Variants in LYPLAL1 observed in about 807,000 individuals in gnomAD.
LYPLAL1 encodes the protein lysophospholipase-like protein 1.
A neutral mutation model predicts 19.7 loss-of-function variants in LYPLAL1; 23 were observed. That is an observed-to-expected ratio of 1.17 (90% CI 0.84 to 1.65). The LOEUF (loss-of-function observed/expected upper bound fraction) is 1.65, where lower values mean the gene tolerates loss of function less well. Ranked by LOEUF, LYPLAL1 falls within the 40% of genes most tolerant of loss-of-function variation. The probability of loss-of-function intolerance (pLI) is 0.00; values close to 1 mark genes in which losing one functional copy is unlikely to be tolerated. For synonymous variants in LYPLAL1, 119 were observed against 96.3 expected (o/e 1.24, Z -1.38); for missense variants, 355 against 279.4 (o/e 1.27, Z -1.93).
the LYPLAL1 span, among the ~76,000 whole-genome samples, chr1:219,242,616 C>A: frequency 6.6e-6 from 1 of 151,986 alleles, no homozygotes; most frequent in South Asian, 2.1e-4. Context: ...CCTGTTCCAT[C>A]ATTGTGTATT....
At chr1:219,432,526 G>A in the LYPLAL1 span, among the ~76,000 whole-genome samples, 5 of 152,178 alleles carry the variant, frequency 3.3e-5, no homozygotes, top group Admixed American at 3.3e-4. Context: ...CCGTGTGCCA[G>A]TCTACTCTGC....
chr1:219,193,871 T>C, intron 3 of LYPLAL1, among the ~76,000 whole-genome samples: 1 of 151,898 alleles, frequency 6.6e-6, no homozygotes, highest in East Asian at 1.9e-4. Context: ...ACACGACATA[T>C]TTTGGTGAAA....
the LYPLAL1 span, among the ~76,000 whole-genome samples, chr1:219,275,523 T>C: frequency 2.0e-5 from 3 of 152,214 alleles, no homozygotes; most frequent in Non-Finnish European, 2.9e-5. Flanking sequence ...TTTAAGTTGA[T>C]TTGCCATTAT....
intron 3 of LYPLAL1, among the ~76,000 whole-genome samples, chr1:219,207,008 T>C (rs1658628376): frequency 6.6e-6 from 1 of 152,040 alleles, no homozygotes; most frequent in African/African-American, 2.4e-5. Context: ...TTCGTACAGC[T>C]TAGATGGTCT....
At chr1:219,186,962 A>AT (rs1421317564) in intron 2 of LYPLAL1, among the ~76,000 whole-genome samples, 2 of 148,378 alleles carry the variant, frequency 1.3e-5, no homozygotes, top group Admixed American at 6.7e-5. Flanking sequence ...ATTTTACTTT[A>AT]TTTTTTTTCT....
the LYPLAL1 span, among the ~76,000 whole-genome samples, chr1:219,439,980 T>TATATATATACACATATATATATATAC: frequency 1.5e-5 from 1 of 65,446 alleles, no homozygotes; most frequent in Admixed American, 1.4e-4. Flanking sequence ...TATACATATA[T>TATATATATACACATATATATATATAC]ATATATATAT....
chr1:219,299,180 C>T, the LYPLAL1 span, among the ~76,000 whole-genome samples: 4 of 142,244 alleles, frequency 2.8e-5, no homozygotes, highest in African/African-American at 5.2e-5. Flanking sequence ...TGGTTCCTTA[C>T]CCCCAAAACT....
At chr1:219,274,428 C>A in the LYPLAL1 span, among the ~76,000 whole-genome samples, 1 of 152,132 alleles carries the variant, frequency 6.6e-6, no homozygotes, top group South Asian at 2.1e-4. Flanking sequence ...CTCTGTCTCC[C>A]ACACTGGAGT....
At chr1:219,278,921 CA>C in the LYPLAL1 span, among the ~76,000 whole-genome samples, 1 of 152,024 alleles carries the variant, frequency 6.6e-6, no homozygotes, top group Admixed American at 6.6e-5. Context: ...TTGTGATTAT[CA>C]AAAATGTCTC....
chr1:219,419,021 G>T, the LYPLAL1 span, among the ~76,000 whole-genome samples: 1 of 152,110 alleles, frequency 6.6e-6, no homozygotes, highest in Non-Finnish European at 1.5e-5. Flanking sequence ...TCCATTGTCT[G>T]GATGTACTTC....
chr1:219,364,705 C>G, the LYPLAL1 span, among the ~76,000 whole-genome samples: 1 of 152,054 alleles, frequency 6.6e-6, no homozygotes, highest in Non-Finnish European at 1.5e-5. Context: ...AGAAATATAT[C>G]ACTTCTGCAG....
At chr1:219,307,042 G>GTATATA in the LYPLAL1 span, among the ~76,000 whole-genome samples, 3 of 42,596 alleles carry the variant, frequency 7.0e-5, no homozygotes, top group African/African-American at 1.4e-4. Flanking sequence ...ATATATATAT[G>GTATATA]TATATATATA....
chr1:219,243,081 G>C, the LYPLAL1 span, among the ~76,000 whole-genome samples: 1 of 152,182 alleles, frequency 6.6e-6, no homozygotes, highest in South Asian at 2.1e-4. Flanking sequence ...TTGGCCACAG[G>C]TTTTTACTCC....
At chr1:219,398,974 G>A in the LYPLAL1 span, among the ~76,000 whole-genome samples, 1 of 152,218 alleles carries the variant, frequency 6.6e-6, no homozygotes, top group African/African-American at 2.4e-5. Flanking sequence ...TCCAATGGAT[G>A]GTGTCAGCCA....
the LYPLAL1 span, among the ~76,000 whole-genome samples, chr1:219,348,722 T>TATA: frequency 6.6e-6 from 1 of 152,172 alleles, no homozygotes; most frequent in Non-Finnish European, 1.5e-5. Context: ...CATGAAGCTG[T>TATA]ATAATCTATT....
At chr1:219,266,082 TTC>T in the LYPLAL1 span, among the ~76,000 whole-genome samples, 1 of 152,168 alleles carries the variant, frequency 6.6e-6, no homozygotes, top group Admixed American at 6.5e-5. Context: ...TTTAAATTTT[TTC>T]TTTCTTCAAT....
intron 3 of LYPLAL1, among the ~76,000 whole-genome samples, chr1:219,199,543 A>C (rs1417423128): frequency 4.0e-5 from 6 of 151,342 alleles, no homozygotes; most frequent in African/African-American, 1.2e-4. Flanking sequence ...CCTGGGTTCA[A>C]GCAATTCTCC....
chr1:219,229,679 T>A, the LYPLAL1 span, among the ~76,000 whole-genome samples: 1 of 152,166 alleles, frequency 6.6e-6, no homozygotes, highest in African/African-American at 2.4e-5. Context: ...CTGTAAGTAT[T>A]CACCGCTAGA....
chr1:219,391,608 G>A, the LYPLAL1 span, among the ~76,000 whole-genome samples: 1 of 150,282 alleles, frequency 6.7e-6, no homozygotes, highest in Non-Finnish European at 1.5e-5. Flanking sequence ...TTTTCTCTTT[G>A]TCTCACTGAA....
Sources: allele counts gnomAD v4.1 joint callset (sites outside exome capture counted in the v4.1 genomes callset), GRCh38; gene constraint gnomAD v4.1.1; transcripts MANE v1.5; gene names NCBI Gene and HGNC (gene_info 2026-07-23, HGNC 2026-07-21).